The following DMD variants were observed in gnomAD, a reference collection of about 807,000 sequenced individuals.
The protein encoded by DMD is mutant dystrophin.
DMD carries 63 observed loss-of-function variants against 330.1 expected under a neutral mutation model. That is an observed-to-expected ratio of 0.19 (90% CI 0.16 to 0.24). The LOEUF is 0.24. Among genes scored for constraint, DMD ranks in the 10% least tolerant of loss-of-function variants. The probability of loss-of-function intolerance (pLI) is 1.00; values close to 1 mark genes in which losing one functional copy is unlikely to be tolerated. For synonymous variants in DMD, 1,223 were observed against 959.8 expected, an observed-to-expected ratio of 1.27 and a Z score of -5.07; for missense variants, 3,344 against 2,684.1, an observed-to-expected ratio of 1.25 and a Z score of -5.43.
chrX:31,989,416 T>C (rs1160935929), intron 44 of DMD, among the ~76,000 whole-genome samples: 1 of 112,270 alleles, frequency 8.9e-6, no homozygotes, highest in Non-Finnish European at 1.9e-5. Context: ...TTAAATTTAT[T>C]GCAAAATGTT....
chrX:31,729,589 T>C (rs1197214934), intron 52 of DMD, 42 bp downstream of exon 52: 1 of 996,051 alleles, frequency 1.0e-6, no homozygotes, highest in Non-Finnish European at 1.4e-6. Context: ...AAACTTGTCA[T>C]GCATCTTGCT....
At chrX:32,729,785 T>C (rs2067324859) in intron 7 of DMD, among the ~76,000 whole-genome samples, 1 of 112,077 alleles carries the variant, frequency 8.9e-6, no homozygotes, top group Non-Finnish European at 1.9e-5. Context: ...TGTTATTCTT[T>C]TGACTTTCCT....
At chrX:32,879,827 G>A (rs1314639205) in intron 2 of DMD, among the ~76,000 whole-genome samples, 1 of 111,055 alleles carries the variant, frequency 9.0e-6, no homozygotes. Context: ...ATTTAATTCT[G>A]AGAGAGCTTC....
chrX:31,141,958 G>A (rs905482801), intron 76 of DMD, among the ~76,000 whole-genome samples: 6 of 111,025 alleles, frequency 5.4e-5, no homozygotes, highest in African/African-American at 1.6e-4. Flanking sequence ...CATTTAACCC[G>A]AACCCAATCA....
At chrX:32,559,944 G>A (rs752140698) in intron 16 of DMD, among the ~76,000 whole-genome samples, 7 of 110,556 alleles carry the variant, frequency 6.3e-5, no homozygotes, top group African/African-American at 2.3e-4. Context: ...AACATATACA[G>A]CATAAACATG....
intron 1 of DMD, among the ~76,000 whole-genome samples, chrX:33,331,235 C>T (rs2054171164): frequency 9.0e-6 from 1 of 111,574 alleles, no homozygotes; most frequent in African/African-American, 3.3e-5. Context: ...GGGTCAGCAG[C>T]CAAAGGGAGA....
At chrX:31,974,838 T>G (rs1344162423) in intron 44 of DMD, among the ~76,000 whole-genome samples, 3 of 110,741 alleles carry the variant, frequency 2.7e-5, no homozygotes, top group Non-Finnish European at 3.8e-5. Context: ...AATGGGACAT[T>G]TACCTAATAT....
chrX:32,413,387 A>G (rs773966206), intron 29 of DMD, among the ~76,000 whole-genome samples: 4 of 111,613 alleles, frequency 3.6e-5, no homozygotes, highest in Non-Finnish European at 7.5e-5. Context: ...GATTCCCTTT[A>G]TTAGATGTAA....
chrX:32,190,735 T>C (rs1162886488), intron 44 of DMD, among the ~76,000 whole-genome samples: 1 of 108,083 alleles, frequency 9.3e-6, no homozygotes, highest in Non-Finnish European at 1.9e-5. Flanking sequence ...ACATTCGAAA[T>C]CTTCAGGTTT....
At chrX:31,237,556 T>C (rs1222298645) in intron 63 of DMD, among the ~76,000 whole-genome samples, 1 of 111,602 alleles carries the variant, frequency 9.0e-6, no homozygotes, top group African/African-American at 3.3e-5. Context: ...AAATCAATGG[T>C]AGGAGATTTT....
At position 32,853,902 on chromosome X, in the gene DMD, T is replaced by C. The variant is rs997867974; in HGVS notation, c.94-4082A>G. Among the ~76,000 whole-genome samples, 8 of 110,862 alleles carry C rather than the reference T, an allele frequency of 7.2e-5. 1 individual carries two copies. The highest frequency in any genetic ancestry group is 2.6e-4 in the African/African-American group (8 of 30,507). On this transcript the variant is annotated intron_variant, in intron 2 of 78. Transcript: ENST00000357033. ...GATGTAAAAAGATATTCCATGTCGA[T>C]AGCAACCAAAAAAGAACAGGAGTAG... is the stretch of plus-strand genomic sequence containing the variant.
At chrX:32,083,833 T>G (rs1293966359) in intron 44 of DMD, among the ~76,000 whole-genome samples, 1 of 112,766 alleles carries the variant, frequency 8.9e-6, no homozygotes, top group East Asian at 2.8e-4. Context: ...TCTAGCCTGC[T>G]CTTCTGTGGC....
chrX:32,975,401 T>C (rs1354478270), intron 2 of DMD, among the ~76,000 whole-genome samples: 1 of 94,122 alleles, frequency 1.1e-5, no homozygotes, highest in Non-Finnish European at 2.1e-5. Flanking sequence ...GTAAGCCAGC[T>C]CCTGGAAGAA....
chrX:31,327,656 T>G (rs916704419), intron 61 of DMD, among the ~76,000 whole-genome samples: 3 of 111,810 alleles, frequency 2.7e-5, no homozygotes, highest in Non-Finnish European at 5.6e-5. Context: ...TGGGGACAGT[T>G]TAGATAAATA....
chrX:32,955,624 C>T (rs764209823), intron 2 of DMD, among the ~76,000 whole-genome samples: 18 of 111,633 alleles, frequency 1.6e-4, no homozygotes, highest in Admixed American at 2.9e-4. Flanking sequence ...TTCCTATGTC[C>T]TAAATGGTAT....
Position 32,728,590 on chromosome X carries a change from T to G in DMD, c.650-29297A>C, listed in dbSNP as rs1396387913. ...ATATTCTAAAGTGAGTTAAATTGTG[T>G]TAGCAACAAAGCTTGTCTTATCAGA... is the stretch of plus-strand genomic sequence containing the variant. On this transcript the variant is annotated intron_variant, in intron 7 of 78. Coordinates refer to ENST00000357033, the MANE Select transcript of DMD (RefSeq NM_004006.3). Among the ~76,000 whole-genome samples, 2 of 112,298 alleles carry G rather than the reference T, an allele frequency of 1.8e-5. 1 individual carries two copies. Among genetic ancestry groups the G allele is most frequent in the Admixed American group, 1.9e-4 (2 of 10,586 alleles).
At chrX:33,280,051 C>T (rs993932664) in intron 1 of DMD, among the ~76,000 whole-genome samples, 2 of 85,607 alleles carry the variant, frequency 2.3e-5, no homozygotes, top group African/African-American at 9.4e-5. Flanking sequence ...GGTATGATCT[C>T]GACTCACTGC....
At chrX:31,443,256 T>G (rs767640275) in intron 60 of DMD, among the ~76,000 whole-genome samples, 1 of 111,199 alleles carries the variant, frequency 9.0e-6, no homozygotes, top group East Asian at 2.8e-4. Flanking sequence ...ACGCACCTCT[T>G]CCACCACTAC....
intron 60 of DMD, among the ~76,000 whole-genome samples, chrX:31,443,020 C>A (rs1260504360): frequency 9.0e-6 from 1 of 111,022 alleles, no homozygotes; most frequent in African/African-American, 3.3e-5. Context: ...CTCAATCACA[C>A]CCCTAAATGG....
Sources: allele counts gnomAD v4.1 joint callset (sites outside exome capture counted in the v4.1 genomes callset), GRCh38; gene constraint gnomAD v4.1.1; transcripts MANE v1.5; gene names NCBI Gene and HGNC (gene_info 2026-07-23, HGNC 2026-07-21).